MAP3K20: variants seen among roughly 807,000 people sequenced by gnomAD.
The protein encoded by MAP3K20 is HCCS-4.
MAP3K20 carries 40 observed loss-of-function variants against 85.7 expected under a neutral mutation model. That is an observed-to-expected ratio of 0.47 (90% confidence interval 0.36 to 0.61). The LOEUF is 0.61. Ranked by LOEUF, MAP3K20 falls within the 20% of genes least tolerant of loss-of-function variation. MAP3K20 has a pLI of 0.00. For synonymous variants in MAP3K20, 325 were observed against 327.7 expected (o/e 0.99, Z 0.09); for missense variants, 817 against 961.7 (o/e 0.85, Z 1.99).
At chr2:173,186,877 GGAAA>G (rs1347049777) in intron 4 of MAP3K20, among the ~76,000 whole-genome samples, 3 of 152,028 alleles carry the variant, frequency 2.0e-5, no homozygotes, top group Non-Finnish European at 2.9e-5. Flanking sequence ...TAAATATGAT[GGAAA>G]GAATTTTGGA....
At chr2:173,248,721 C>T (rs1684978832) in intron 16 of MAP3K20, among the ~76,000 whole-genome samples, 1 of 84,276 alleles carries the variant, frequency 1.2e-5, no homozygotes, top group Admixed American at 1.4e-4. Flanking sequence ...AAAATTCCCA[C>T]TATGGCCGAT....
chr2:173,120,337 A>T (rs1297134940), intron 2 of MAP3K20, among the ~76,000 whole-genome samples: 1 of 151,886 alleles, frequency 6.6e-6, no homozygotes, highest in East Asian at 1.9e-4. Context: ...TGTTTCATGA[A>T]CCTCTATTCT....
At chr2:173,221,748 T>A (rs920868850) in intron 11 of MAP3K20, 21 of 1,248,900 alleles carry the variant, frequency 1.7e-5, no homozygotes, top group Non-Finnish European at 2.1e-5. Context: ...TATTTATGAA[T>A]CAGCAAATGT....
At chr2:173,236,320 T>G (rs1680241033) in intron 14 of MAP3K20, among the ~76,000 whole-genome samples, 1 of 149,622 alleles carries the variant, frequency 6.7e-6, no homozygotes, top group African/African-American at 2.5e-5. Flanking sequence ...GGGTCTAAGC[T>G]TGCAGAGAAG....
chr2:173,171,800 A>G (rs1234525463), intron 3 of MAP3K20, among the ~76,000 whole-genome samples: 1 of 152,214 alleles, frequency 6.6e-6, no homozygotes, highest in Non-Finnish European at 1.5e-5. Flanking sequence ...AACTGGCTTT[A>G]CATTGTTTAG....
intron 2 of MAP3K20, among the ~76,000 whole-genome samples, chr2:173,135,408 C>T (rs1051145704): frequency 2.6e-5 from 4 of 152,032 alleles, no homozygotes; most frequent in African/African-American, 9.7e-5. Context: ...GGTTAACAGA[C>T]GGAAATGAAA....
intron 2 of MAP3K20, among the ~76,000 whole-genome samples, chr2:173,128,312 C>CTTTAT (rs140643835): frequency 6.9e-6 from 1 of 145,828 alleles, no homozygotes; most frequent in Admixed American, 6.9e-5. Context: ...TTATAGTTGA[C>CTTTAT]TTATTTATTT....
At chr2:173,245,516 A>C (rs1317419999) in intron 16 of MAP3K20, among the ~76,000 whole-genome samples, 2 of 152,222 alleles carry the variant, frequency 1.3e-5, no homozygotes, top group Non-Finnish European at 2.9e-5. Flanking sequence ...TTCTGAAACA[A>C]CCTAGCAGGG....
chr2:173,216,158 T>C (rs565889590), intron 10 of MAP3K20, among the ~76,000 whole-genome samples: 5 of 152,292 alleles, frequency 3.3e-5, no homozygotes, highest in African/African-American at 1.2e-4. Context: ...TTTCAAAACA[T>C]AGATTTAGAC....
chr2:173,117,119 A>G (rs1248327920), intron 2 of MAP3K20, among the ~76,000 whole-genome samples: 1 of 152,236 alleles, frequency 6.6e-6, no homozygotes, highest in Non-Finnish European at 1.5e-5. Flanking sequence ...TTTAATTAGC[A>G]TTTAACAATG....
At chr2:173,221,054 C>A in intron 11 of MAP3K20, 1 of 1,021,790 alleles carries the variant, frequency 9.8e-7, no homozygotes, top group Non-Finnish European at 1.3e-6. Flanking sequence ...CATTTACCTC[C>A]TGTGTAGTGC....
chr2:173,079,306 G>A (rs935716170), intron 1 of MAP3K20, among the ~76,000 whole-genome samples: 2 of 152,112 alleles, frequency 1.3e-5, no homozygotes, highest in African/African-American at 4.8e-5. Context: ...TGGTACACCC[G>A]TATAGGGCAT....
rs191495404 is a variant in MAP3K20 at position 173,209,848 on chromosome 2, G to A, written c.851+13G>A. On this transcript the variant is annotated intron_variant, in intron 10 of 19. Transcript: ENST00000375213. ...AGGCGGAGTGGAGGTGGGTAGCCCC[G>A]ACAGCAGGCCACAGCGTCTGGCTTT... 41 of 1,607,676 alleles carry A rather than the reference G, an allele frequency of 2.6e-5. No individual in the cohort carries two copies. The East Asian group carries it at 7.4e-4, about 29-fold the overall frequency.
intron 2 of MAP3K20, among the ~76,000 whole-genome samples, chr2:173,134,394 A>ATATATATATATATGTG (rs1688718131): frequency 1.1e-4 from 1 of 8,910 alleles, no homozygotes; most frequent in Non-Finnish European, 2.2e-4. Flanking sequence ...GTCTCTATAC[A>ATATATATATATATGTG]TATATATATA....
chr2:173,105,775 T>C lies in MAP3K20; in HGVS notation c.159+14585T>C, dbSNP rs115505101. On this transcript the variant is annotated intron_variant, in intron 2 of 19. Transcript: ENST00000375213. ...CTGGGAGAGAGAGAGTGGGGAATTATTGTTTGATAGGTATAGAATTTTTGT... is the reference window on the plus strand; with the variant it reads ...CTGGGAGAGAGAGAGTGGGGAATTACTGTTTGATAGGTATAGAATTTTTGT... Among the ~76,000 whole-genome samples, 561 of 152,210 alleles carry C rather than the reference T, an allele frequency of 3.7e-3. 7 individuals are homozygous for C. The highest frequency in any genetic ancestry group is 0.013 in the African/African-American group (536 of 41,538).
chr2:173,209,573 C>T, intron 9 of MAP3K20, 156 bp from the exon 10 acceptor site: 1 of 594,090 alleles, frequency 1.7e-6, no homozygotes, highest in Non-Finnish European at 2.9e-6. Context: ...CCTGAGTGAT[C>T]TGATGATTGT....
At chr2:173,078,290 T>C (rs184298629) in intron 1 of MAP3K20, among the ~76,000 whole-genome samples, 2 of 152,242 alleles carry the variant, frequency 1.3e-5, no homozygotes, top group African/African-American at 2.4e-5. Flanking sequence ...TCCTGAGATG[T>C]TGGAAATAAA....
chr2:173,131,329 A>T (rs893748914), intron 2 of MAP3K20, among the ~76,000 whole-genome samples: 2 of 152,240 alleles, frequency 1.3e-5, no homozygotes, highest in African/African-American at 4.8e-5. Flanking sequence ...TTAAACAATG[A>T]AATGCCACAG....
At chr2:173,246,346 T>C (rs189915822) in intron 16 of MAP3K20, among the ~76,000 whole-genome samples, 1 of 152,298 alleles carries the variant, frequency 6.6e-6, no homozygotes, top group Non-Finnish European at 1.5e-5. Context: ...TATTTTTGTT[T>C]TTGCAATCAA....
Sources: allele counts gnomAD v4.1 joint callset (sites outside exome capture counted in the v4.1 genomes callset), GRCh38; gene constraint gnomAD v4.1.1; transcripts MANE v1.5; gene names NCBI Gene and HGNC (gene_info 2026-07-23, HGNC 2026-07-21).